Variants in FAF1 observed in about 807,000 individuals in gnomAD.
FAF1 encodes Fas associated factor 1, also known as FAS-associated factor 1.
In FAF1, 25 loss-of-function variants were observed where a neutral mutation model predicts 92.5. That is an observed-to-expected ratio of 0.27 (90% CI 0.20 to 0.38). The LOEUF (loss-of-function observed/expected upper bound fraction) is 0.38. Among genes scored for constraint, FAF1 ranks in the 10% least tolerant of loss-of-function variants. The probability of loss-of-function intolerance (pLI) is 1.00; values close to 1 mark genes in which losing one functional copy is unlikely to be tolerated. For missense variants in FAF1, 636 were observed against 793.3 expected (o/e 0.80, Z 2.38); for synonymous variants, 234 against 273.2 (o/e 0.86, Z 1.42).
intron 2 of FAF1, among the ~76,000 whole-genome samples, chr1:50,845,811 A>T (rs1458598832): frequency 6.6e-6 from 1 of 151,970 alleles, no homozygotes; most frequent in Non-Finnish European, 1.5e-5. Context: ...ATTATACTCA[A>T]ACTCTTAGCA....
intron 4 of FAF1, among the ~76,000 whole-genome samples, chr1:50,760,000 TTTG>T (rs1660257752): frequency 1.3e-5 from 2 of 152,116 alleles, no homozygotes; most frequent in South Asian, 4.2e-4. Context: ...GATGGGGTTG[TTTG>T]TTTTTTTCTT....
chr1:50,646,174 G>A (rs1408182318), intron 8 of FAF1, among the ~76,000 whole-genome samples: 1 of 152,072 alleles, frequency 6.6e-6, no homozygotes, highest in Non-Finnish European at 1.5e-5. Flanking sequence ...AGTAATGTTA[G>A]GATTCAACAA....
intron 1 of FAF1, among the ~76,000 whole-genome samples, chr1:50,947,197 G>A (rs1645178019): frequency 6.6e-6 from 1 of 152,148 alleles, no homozygotes; most frequent in South Asian, 2.1e-4. Context: ...CTTCCCTTAG[G>A]GAAAAAGAGG....
At position 50,478,046 on chromosome 1, in the gene FAF1, CAT is replaced by C. The variant is rs1031965112; in HGVS notation, c.1654-2369_1654-2368del. Among the ~76,000 whole-genome samples the C allele has an allele frequency of 5.3e-5, 8 of 152,310 alleles. No homozygotes were observed. The East Asian group carries it at 7.7e-4, about 15-fold the overall frequency. Reference sequence around the variant, plus strand: ...ACTAACTGTTCAGATTAATTTTCCACATGTGTCCCTTAAAGGGAAACCATGAG... The same window carrying C: ...ACTAACTGTTCAGATTAATTTTCCACGTGTCCCTTAAAGGGAAACCATGAG... On this transcript the variant is annotated intron_variant, in intron 17 of 18. Coordinates refer to ENST00000396153, the MANE Select transcript of FAF1 (RefSeq NM_007051.3).
At chr1:50,753,829 C>A (rs1659969299) in intron 4 of FAF1, among the ~76,000 whole-genome samples, 1 of 150,544 alleles carries the variant, frequency 6.6e-6, no homozygotes, top group Non-Finnish European at 1.5e-5. Context: ...GCGATCTCGG[C>A]TCACTGCAAC....
At chr1:50,762,571 G>C (rs564119104) in intron 4 of FAF1, among the ~76,000 whole-genome samples, 6 of 152,192 alleles carry the variant, frequency 3.9e-5, no homozygotes, top group East Asian at 3.9e-4. Flanking sequence ...ACAAACCTGA[G>C]AAAAACAAGC....
At chr1:50,905,192 C>T (rs1187450366) in intron 1 of FAF1, among the ~76,000 whole-genome samples, 3 of 152,246 alleles carry the variant, frequency 2.0e-5, no homozygotes, top group Non-Finnish European at 1.5e-5. Context: ...CACCTTCATC[C>T]GTGTCCCTAC....
intron 18 of FAF1, among the ~76,000 whole-genome samples, chr1:50,448,729 C>A (rs1358031944): frequency 6.6e-6 from 1 of 152,230 alleles, no homozygotes; most frequent in Non-Finnish European, 1.5e-5. Flanking sequence ...AATCTCTGAT[C>A]AACTTTTCCG....
At chr1:50,851,132 A>G (rs1644345487) in intron 2 of FAF1, among the ~76,000 whole-genome samples, 1 of 144,980 alleles carries the variant, frequency 6.9e-6, no homozygotes, top group Non-Finnish European at 1.5e-5. Context: ...CCAGGCTGTC[A>G]TGCAATGGTG....
intron 9 of FAF1, among the ~76,000 whole-genome samples, chr1:50,587,199 C>G (rs1289664063): frequency 4.6e-5 from 7 of 152,318 alleles, no homozygotes. Context: ...TCTATAACAA[C>G]AGGACCTTAC....
At chr1:50,686,340 C>T (rs771555292) in intron 7 of FAF1, among the ~76,000 whole-genome samples, 5 of 151,996 alleles carry the variant, frequency 3.3e-5, no homozygotes, top group Non-Finnish European at 5.9e-5. Flanking sequence ...GCCAGGAGAT[C>T]GAGACCAGCC....
intron 8 of FAF1, among the ~76,000 whole-genome samples, chr1:50,629,470 C>T (rs1366504867): frequency 6.6e-6 from 1 of 151,848 alleles, no homozygotes; most frequent in Non-Finnish European, 1.5e-5. Flanking sequence ...TGCCTGGCCT[C>T]CAGATAAGAT....
intron 15 of FAF1, among the ~76,000 whole-genome samples, chr1:50,497,843 C>T (rs563735677): frequency 3.9e-4 from 59 of 151,996 alleles, no homozygotes; most frequent in Admixed American, 1.7e-3. Context: ...CCACCGCGCC[C>T]GGGCTCAAAA....
chr1:50,637,687 G>A (rs1207271264), intron 8 of FAF1, among the ~76,000 whole-genome samples: 21 of 149,236 alleles, frequency 1.4e-4, no homozygotes, highest in African/African-American at 4.2e-4. Flanking sequence ...ATATATGTGT[G>A]TGTGTGTGTG....
intron 7 of FAF1, among the ~76,000 whole-genome samples, chr1:50,705,071 C>G (rs1657617488): frequency 6.6e-6 from 1 of 152,108 alleles, no homozygotes; most frequent in South Asian, 2.1e-4. Context: ...AGGTGTAATG[C>G]AACATAGTCA....
At chr1:50,884,106 C>T (rs1020977899) in intron 1 of FAF1, among the ~76,000 whole-genome samples, 13 of 151,992 alleles carry the variant, frequency 8.6e-5, no homozygotes, top group Admixed American at 6.6e-5. Flanking sequence ...GCCTGGGCAA[C>T]GGAGCGAGGA....
At chr1:50,535,200 G>C (rs956059671) in intron 15 of FAF1, among the ~76,000 whole-genome samples, 169 bp downstream of exon 15, 5 of 152,102 alleles carry the variant, frequency 3.3e-5, no homozygotes, top group Admixed American at 6.6e-5. Flanking sequence ...GTCATAAAAA[G>C]AATGGACTGA....
chr1:50,929,349 A>G (rs948556167), intron 1 of FAF1, among the ~76,000 whole-genome samples: 1 of 152,138 alleles, frequency 6.6e-6, no homozygotes, highest in African/African-American at 2.4e-5. Context: ...TAGTATATAA[A>G]TTTTATCCTG....
At chr1:50,601,456 C>T (rs977843492) in intron 8 of FAF1, among the ~76,000 whole-genome samples, 16 of 152,072 alleles carry the variant, frequency 1.1e-4, no homozygotes, top group Non-Finnish European at 2.1e-4. Flanking sequence ...CCAAGGAGGG[C>T]AGATCACTTG....
Sources: allele counts gnomAD v4.1 joint callset (sites outside exome capture counted in the v4.1 genomes callset), GRCh38; gene constraint gnomAD v4.1.1; transcripts MANE v1.5; gene names NCBI Gene and HGNC (gene_info 2026-07-23, HGNC 2026-07-21).